POR: variants seen among roughly 807,000 people sequenced by gnomAD.
POR encodes NADPH--cytochrome P450 reductase.
POR carries 56 observed loss-of-function variants against 84.0 expected under a neutral mutation model. That is an observed-to-expected ratio of 0.67 (90% CI 0.54 to 0.83). The LOEUF is 0.83. Among genes scored for constraint, POR ranks in the 40% least tolerant of loss-of-function variants. The probability of loss-of-function intolerance (pLI) is 0.00; values close to 1 mark genes in which losing one functional copy is unlikely to be tolerated. For synonymous variants in POR, 414 were observed against 400.5 expected (o/e 1.03, Z -0.40); for missense variants, 938 against 944.3 (o/e 0.99, Z 0.09).
intron 1 of POR, chr7:75,915,467 TAGGGCTCGGTATCTC>T (rs1478145288): frequency 6.6e-6 from 1 of 152,284 alleles, no homozygotes; most frequent in Non-Finnish European, 1.5e-5. Flanking sequence ...GGCTGAGGGT[TAGGGCTCGGTATCTC>T]AGGGCTCGGG....
In POR at chr7:75,984,868, C is replaced by T; in HGVS notation, c.1158C>T (p.Thr386=). The T allele has an allele frequency of 6.2e-7, 1 of 1,612,598 alleles. No homozygotes were observed. The highest frequency in any genetic ancestry group is 8.5e-7 in the Non-Finnish European group (1 of 1,179,794). The change falls in exon 11 of 16, where the codon ACC becomes ACT. Residue 386 remains threonine, a synonymous_variant. Coordinates refer to ENST00000461988, the MANE Select transcript of POR (RefSeq NM_000941.3). ...TGGACATCACCAACCCGCCGCGTAC[C>T]AACGTGCTGTACGAGCTGGCGCAGT...
intron 2 of POR, chr7:75,967,948 C>A (rs1788257053): frequency 2.3e-6 from 1 of 427,670 alleles, no homozygotes; most frequent in Admixed American, 2.5e-5. Flanking sequence ...GCCACGGGCC[C>A]AGGCAACTTC....
intron 1 of POR, among the ~76,000 whole-genome samples, chr7:75,937,626 A>C (rs1807764461): frequency 1.4e-5 from 2 of 147,388 alleles, no homozygotes. Context: ...TACTAAAAAT[A>C]CAAAAATTAG....
At chr7:75,968,351 C>G (rs2116508570) in intron 2 of POR, 1 of 456,330 alleles carries the variant, frequency 2.2e-6, no homozygotes, top group East Asian at 7.1e-5. Flanking sequence ...GGTGGCCCCT[C>G]TGGTCCAGGA....
chr7:75,948,281 C>A (rs568922305), intron 1 of POR, among the ~76,000 whole-genome samples: 1 of 152,324 alleles, frequency 6.6e-6, no homozygotes, highest in East Asian at 1.9e-4. Flanking sequence ...ATTTCAGAGT[C>A]AAAGCTGCTG....
Position 75,986,469 on chromosome 7 carries a change from C to A in POR, c.2031C>A (p.Asp677Glu), listed in dbSNP as rs542156984. 1.2e-6 allele frequency: 2 copies of A among 1,610,250 alleles called. No homozygotes were observed. Among genetic ancestry groups the A allele is most frequent in the Non-Finnish European group, 1.7e-6 (2 of 1,179,670 alleles). Reference sequence around the variant, plus strand: ...TGACCAAGGGCCGCTACTCCCTGGACGTGTGGAGCTAGGGGCCTGCCTGCC... The same window carrying A: ...TGACCAAGGGCCGCTACTCCCTGGAAGTGTGGAGCTAGGGGCCTGCCTGCC... Residue 677 changes from aspartate (D) to glutamate (E), a missense_variant, in exon 16 of 16, where the codon GAC becomes GAA. Physicochemically the swap from Asp to Glu is conservative, Grantham distance 45. Coordinates refer to ENST00000461988, the MANE Select transcript of POR (RefSeq NM_000941.3).
intron 1 of POR, among the ~76,000 whole-genome samples, chr7:75,924,173 G>C (rs1322311974): frequency 6.6e-6 from 1 of 151,900 alleles, no homozygotes; most frequent in Non-Finnish European, 1.5e-5. Flanking sequence ...CTGGGGCCTT[G>C]AAAAAGGCTT....
At chr7:75,936,180 T>C (rs1554550803) in intron 1 of POR, among the ~76,000 whole-genome samples, 1 of 148,620 alleles carries the variant, frequency 6.7e-6, no homozygotes, top group East Asian at 2.0e-4. Context: ...CTGCAGCCTC[T>C]GCAGCCTCTA....
chr7:75,936,104 T>G (rs1807669639), intron 1 of POR, among the ~76,000 whole-genome samples: 1 of 143,052 alleles, frequency 7.0e-6, no homozygotes, highest in African/African-American at 2.6e-5. Flanking sequence ...TTTTTTTTTT[T>G]TTTTTGAGAG....
chr7:75,976,276 C>T (rs548153707), intron 3 of POR, among the ~76,000 whole-genome samples: 1 of 152,188 alleles, frequency 6.6e-6, no homozygotes, highest in East Asian at 1.9e-4. Flanking sequence ...AACCCTGTCT[C>T]TACTAAAAAT....
intron 2 of POR, among the ~76,000 whole-genome samples, chr7:75,957,824 C>T (rs976642017): frequency 6.6e-6 from 1 of 152,138 alleles, no homozygotes; most frequent in East Asian, 1.9e-4. Context: ...ACACTGGATG[C>T]CTGCTGCAGC....
intron 1 of POR, among the ~76,000 whole-genome samples, chr7:75,939,536 C>CT (rs3043448): frequency 0.19 from 24,305 of 125,674 alleles, 3,643 homozygotes; most frequent in African/African-American, 0.41. Context: ...TACTCAACAG[C>CT]TTTTTTTTTT....
At position 75,986,506 on chromosome 7, in the gene POR, A is replaced by G. The variant is rs1300178046; in HGVS notation, c.*25A>G. The G allele has an allele frequency of 2.5e-6, 4 of 1,600,982 alleles. No individual in the cohort carries two copies. Among genetic ancestry groups the G allele is most frequent in the East Asian group, 2.2e-5 (1 of 44,742 alleles). On this transcript the variant is annotated 3_prime_UTR_variant, in exon 16 of 16. Transcript: ENST00000461988. Reference sequence around the variant, plus strand: ...GGGGCCTGCCTGCCCCACCCACCCCACAGACTCCGGCCTGTAATCAGCTCT... The same window carrying G: ...GGGGCCTGCCTGCCCCACCCACCCCGCAGACTCCGGCCTGTAATCAGCTCT...
At chr7:75,980,733 T>A (rs1436513575) in intron 5 of POR, 3 of 1,499,362 alleles carry the variant, frequency 2.0e-6, no homozygotes, top group East Asian at 2.5e-5. Flanking sequence ...GCAAGAAAGG[T>A]CTGGCTGGAC....
intron 1 of POR, among the ~76,000 whole-genome samples, chr7:75,939,791 A>G (rs1031663547): frequency 6.6e-6 from 1 of 152,048 alleles, no homozygotes; most frequent in Admixed American, 6.5e-5. Context: ...TATTTTTAGT[A>G]GAGACTGGGT....
intron 1 of POR, among the ~76,000 whole-genome samples, chr7:75,929,427 G>A (rs534019428): frequency 6.6e-6 from 1 of 152,254 alleles, no homozygotes; most frequent in African/African-American, 2.4e-5. Context: ...ACCATGCCCA[G>A]CTACTTTTTG....
intron 1 of POR, among the ~76,000 whole-genome samples, chr7:75,944,499 C>T (rs1386863159): frequency 1.3e-5 from 2 of 152,194 alleles, no homozygotes; most frequent in Non-Finnish European, 2.9e-5. Flanking sequence ...CACAATTGCA[C>T]TCCAGCCTGG....
intron 7 of POR, 35 bp from the exon 8 acceptor site, chr7:75,982,189 G>A (rs199819874): frequency 2.4e-4 from 367 of 1,555,944 alleles, no homozygotes; most frequent in Middle Eastern, 1.2e-3. Context: ...GACCCCTGCC[G>A]CTTCCCGGCC....
intron 2 of POR, among the ~76,000 whole-genome samples, chr7:75,956,850 C>G (rs571781817): frequency 6.4e-4 from 98 of 152,176 alleles, no homozygotes; most frequent in African/African-American, 2.3e-3. Flanking sequence ...CTCAGTCTCC[C>G]GAGTGCCTGG....
Sources: gnomAD v4.1 joint callset for allele counts (sites outside exome capture counted in the v4.1 genomes callset) on GRCh38, gnomAD v4.1.1 for gene constraint, MANE v1.5 for transcripts, NCBI Gene and HGNC (gene_info 2026-07-23, HGNC 2026-07-21) for gene names.